CCDC183: variants seen among roughly 807,000 people sequenced by gnomAD.
The protein encoded by CCDC183 is coiled-coil domain containing 183.
Under a neutral mutation model 65.2 loss-of-function variants are expected in CCDC183, and 63 were observed. That is an observed-to-expected ratio of 0.97 (90% CI 0.79 to 1.19). CCDC183 has a LOEUF of 1.19. Among genes scored for constraint, CCDC183 ranks in the 50% most tolerant of loss-of-function variants. The pLI, the probability that CCDC183 is intolerant of heterozygous loss-of-function variation, is 0.00. For missense variants in CCDC183, 769 were observed against 689.3 expected (o/e 1.12, Z -1.30); for synonymous variants, 323 against 276.5 (o/e 1.17, Z -1.67).
At position 136,804,586 on chromosome 9, in the gene CCDC183, G is replaced by C. The variant is rs200507112; in HGVS notation, c.751G>C (p.Asp251His). Residue 251 changes from aspartate to histidine, a missense_variant, in exon 7 of 14, where the codon GAC (aspartate) becomes CAC (histidine). Asp to His is a moderately conservative substitution (Grantham distance 81). Coordinates refer to ENST00000338005, the MANE Select transcript of CCDC183 (RefSeq NM_001039374.5). This position sits in a 1 kb window ranked among gnomAD's most constrained non-coding sequence, Gnocchi z 4.1. ...NRLNQQKKLIDKIHTKETSEK... is the reference protein window; with the variant it reads ...NRLNQQKKLIHKIHTKETSEK... ...GCTCAACCAGCAGAAGAAGCTGATC[G>C]ACAAGATCCACACGAAGGAGACCAG... 3 of 1,613,130 alleles carry C rather than the reference G, an allele frequency of 1.9e-6. No individual in the cohort carries two copies. In the Admixed American group the frequency reaches 5.0e-5, roughly 27 times the overall value.
intron 5 of CCDC183, 129 bp from the exon 6 acceptor site, chr9:136,802,535 G>A: frequency 7.6e-7 from 1 of 1,310,690 alleles, no homozygotes; most frequent in Non-Finnish European, 1.0e-6. Flanking sequence ...CCAGCGGGGA[G>A]TGGGGGAGGT....
chr9:136,800,235 GC>G, intron 4 of CCDC183, 66 bp downstream of exon 4: 2 of 380,870 alleles, frequency 5.3e-6, no homozygotes, highest in Non-Finnish European at 8.5e-6. Flanking sequence ...GAGGGGCGGG[GC>G]CACCGGGGGG....
chr9:136,806,228 A>T lies in CCDC183; in HGVS notation c.1099A>T (p.Ser367Cys), dbSNP rs766528705. ...CGTGCTCAAGTTCCGCCAGAAGCCT[A>T]GCTCCATCAGGTGCCCCGGGCTTCC... ...EAVLKFRQKP[S>C]SISFKSVEKK... Residue 367 changes from serine to cysteine, a missense_variant, in exon 10 of 14, where the codon AGC (serine) becomes TGC (cysteine). Coordinates refer to ENST00000338005, the MANE Select transcript of CCDC183 (RefSeq NM_001039374.5). 17 of 1,592,068 alleles carry T rather than the reference A, an allele frequency of 1.1e-5. No homozygotes were observed. In the Admixed American group the frequency reaches 2.3e-4, roughly 21 times the overall value.
At chr9:136,800,230 G>C in intron 4 of CCDC183, 61 bp downstream of exon 4, 1 of 1,383,728 alleles carries the variant, frequency 7.2e-7, no homozygotes, top group Non-Finnish European at 9.7e-7. Context: ...CACGGGAGGG[G>C]CGGGGCCACC....
chr9:136,806,824 C>G lies in CCDC183; in HGVS notation c.1346C>G (p.Thr449Arg). 1.2e-6 allele frequency: 2 copies of G among 1,613,628 alleles called. No homozygotes were observed. The highest frequency in any genetic ancestry group is 1.7e-6 in the Non-Finnish European group (2 of 1,180,008). Residue 449 changes from threonine (T) to arginine (R), a missense_variant, in exon 12 of 14, where the codon ACG becomes AGG. By Grantham distance (71) the Thr-to-Arg change is moderately conservative. Coordinates refer to ENST00000338005, the MANE Select transcript of CCDC183 (RefSeq NM_001039374.5). ...SKLAYCEGKL[T>R]YLADRVQMVS... ...CTGGCGTACTGCGAGGGGAAGCTCACGTACCTGGCTGACAGAGTGCAGATG... is the reference window on the plus strand; with the variant it reads ...CTGGCGTACTGCGAGGGGAAGCTCAGGTACCTGGCTGACAGAGTGCAGATG...
At chr9:136,797,114 G>A (rs528055316) in intron 1 of CCDC183, among the ~76,000 whole-genome samples, 15 of 152,218 alleles carry the variant, frequency 9.9e-5, no homozygotes, top group Non-Finnish European at 2.1e-4. Flanking sequence ...TCTGTGGCTA[G>A]AGGCAAGATA....
At chr9:136,805,492 G>A in intron 9 of CCDC183, 35 bp downstream of exon 9, 1 of 1,590,900 alleles carries the variant, frequency 6.3e-7, no homozygotes, top group Non-Finnish European at 8.6e-7. Context: ...AATGGCAGGA[G>A]GGTGGCTGAG....
chr9:136,796,420 A>C lies in CCDC183; in HGVS notation c.23A>C (p.Asp8Ala). ...GCCATGAGGAGGCACAGTGAGACAG[A>C]TGTGGAAGAGCAGACCCAGGAGCTG... MRRHSET[D>A]VEEQTQELKT... Residue 8 changes from aspartate to alanine, a missense_variant, in exon 1 of 14, where the codon GAT (aspartate) becomes GCT (alanine). By Grantham distance (126) the Asp-to-Ala change is moderately radical. Coordinates refer to ENST00000338005, the MANE Select transcript of CCDC183 (RefSeq NM_001039374.5). 2 of 1,585,296 alleles carry C rather than the reference A, an allele frequency of 1.3e-6. No homozygotes were observed. The highest frequency in any genetic ancestry group is 8.6e-7 in the Non-Finnish European group (1 of 1,165,966).
Position 136,802,780 on chromosome 9 carries a change from G to A in CCDC183, c.660G>A (p.Glu220=). Residue 220 remains glutamate (E), a synonymous_variant, in exon 6 of 14, where the codon GAG becomes GAA. Transcript: ENST00000338005. ...AAGATGCCATGATGATCACGGATGA[G>A]GTCAAGGTGAGCTCAGGGCCCAGGG... ...MSQDAMMITD[E]VKRNMRQREA... is the part of the protein sequence containing the mutation. The A allele has an allele frequency of 6.3e-7, 1 of 1,595,276 alleles. No individual in the cohort carries two copies. Among genetic ancestry groups the A allele is most frequent in the Non-Finnish European group, 8.5e-7 (1 of 1,170,618 alleles).
At chr9:136,798,056 A>C (rs1847680475) in intron 1 of CCDC183, among the ~76,000 whole-genome samples, 1 of 152,114 alleles carries the variant, frequency 6.6e-6, no homozygotes, top group African/African-American at 2.4e-5. Flanking sequence ...CCCAGGCTGG[A>C]GTGCAATGGT....
rs533711576 is a variant in CCDC183 at position 136,804,610 on chromosome 9, A to G, written c.775A>G (p.Ser259Gly). 656 of 1,613,742 alleles carry G rather than the reference A, an allele frequency of 4.1e-4. 11 individuals are homozygous for G. The South Asian group carries it at 6.7e-3, about 16-fold the overall frequency. Residue 259 changes from serine to glycine, a missense_variant, in exon 7 of 14, where the codon AGC becomes GGC. Transcript: ENST00000338005. The surrounding 1 kb of genome is among the most constrained non-coding windows in gnomAD (Gnocchi z 4.1). ...LIDKIHTKET[S>G]EKYRRGQMDL... ...CGACAAGATCCACACGAAGGAGACCAGCGAGAAGTACCGCCGGGTAAGCCC... is the reference window on the plus strand; with the variant it reads ...CGACAAGATCCACACGAAGGAGACCGGCGAGAAGTACCGCCGGGTAAGCCC...
intron 6 of CCDC183, among the ~76,000 whole-genome samples, chr9:136,803,174 G>T (rs1395039136): frequency 4.5e-5 from 2 of 44,216 alleles, no homozygotes; most frequent in Non-Finnish European, 9.3e-5. Flanking sequence ...AGCCCTCTTG[G>T]ATCTTCGGAT....
intron 5 of CCDC183, 67 bp downstream of exon 5, chr9:136,800,560 G>A (rs532559282): frequency 2.1e-4 from 265 of 1,237,050 alleles, no homozygotes; most frequent in Admixed American, 3.7e-4. Context: ...GGAGCGTCCT[G>A]GGGCGGAGCC....
chr9:136,802,586 C>G, intron 5 of CCDC183, 78 bp from the exon 6 acceptor site: 1 of 1,532,690 alleles, frequency 6.5e-7, no homozygotes, highest in Non-Finnish European at 8.8e-7. Context: ...GTTCTCAGGG[C>G]TCTTAGTCGG....
chr9:136,797,558 C>T (rs1847672068), intron 1 of CCDC183, among the ~76,000 whole-genome samples: 1 of 151,900 alleles, frequency 6.6e-6, no homozygotes, highest in Non-Finnish European at 1.5e-5. Context: ...CCTGCCTCAG[C>T]CTCCCAAGTA....
Position 136,804,534 on chromosome 9 carries a change from C to T in CCDC183, c.699C>T (p.Ile233=), listed in dbSNP as rs770643836. The T allele has an allele frequency of 6.8e-6, 11 of 1,613,374 alleles. No homozygotes were observed. The highest frequency in any genetic ancestry group is 9.3e-6 in the Non-Finnish European group (11 of 1,179,912). The stretch of plus-strand genomic sequence containing the variant: ...TGAGGCAAAGGGAGGCGTCCTTCAT[C>T]GAGGAGCGCCGGGCAAGGGAGAACC... ...RNMRQREASF[I]EERRARENRL... Residue 233 remains isoleucine, a synonymous_variant, in exon 7 of 14, where the codon ATC becomes ATT. Transcript: ENST00000338005. The surrounding 1 kb of genome is among the most constrained non-coding windows in gnomAD (Gnocchi z 4.1).
intron 9 of CCDC183, 47 bp from the exon 10 acceptor site, chr9:136,806,031 C>T (rs1437152370): frequency 3.3e-6 from 5 of 1,507,854 alleles, no homozygotes; most frequent in South Asian, 2.5e-5. Context: ...CCCCCTCTGC[C>T]CACCATCCTG....
chr9:136,799,660 C>A (rs1416356521), intron 2 of CCDC183, 53 bp from the exon 3 acceptor site: 2 of 1,505,144 alleles, frequency 1.3e-6, no homozygotes, highest in Non-Finnish European at 1.8e-6. Context: ...GAGGAGCCAG[C>A]GGCTGCGGGT....
chr9:136,803,814 T>G (rs1306315183), intron 6 of CCDC183: 1 of 154,238 alleles, frequency 6.5e-6, no homozygotes, highest in Non-Finnish European at 1.4e-5. Context: ...GCCAGGGCAG[T>G]GGAGGCTGCA....
Sources: allele counts gnomAD v4.1 joint callset (sites outside exome capture counted in the v4.1 genomes callset), GRCh38; gene constraint gnomAD v4.1.1; non-coding constraint Gnocchi (gnomAD v3.1); transcripts MANE v1.5; gene names NCBI Gene and HGNC (gene_info 2026-07-23, HGNC 2026-07-21).